MTHFD2L: variants seen among roughly 807,000 people sequenced by gnomAD.
MTHFD2L encodes bifunctional methylenetetrahydrofolate dehydrogenase/cyclohydrolase 2, mitochondrial.
A neutral mutation model predicts 34.9 loss-of-function variants in MTHFD2L; 29 were observed. The ratio of observed to expected loss-of-function variants is 0.83; its 90% CI spans 0.62 to 1.13. The LOEUF is 1.13. Ranked by LOEUF, MTHFD2L falls within the 50% of genes most tolerant of loss-of-function variation. MTHFD2L has a pLI of 0.00. For missense variants in MTHFD2L, 481 were observed against 446.5 expected (o/e 1.08, Z -0.70); for synonymous variants, 167 against 155.7 (o/e 1.07, Z -0.54).
chr4:74,260,972 TA>T (rs1443249358), intron 6 of MTHFD2L, among the ~76,000 whole-genome samples: 1 of 150,718 alleles, frequency 6.6e-6, no homozygotes, highest in Admixed American at 6.6e-5. Flanking sequence ...TTTGGTGCTT[TA>T]AAAAAATCTA....
At chr4:74,248,691 C>T (rs1305690816) in intron 6 of MTHFD2L, among the ~76,000 whole-genome samples, 4 of 149,252 alleles carry the variant, frequency 2.7e-5, no homozygotes, top group East Asian at 3.9e-4. Flanking sequence ...TCTTTGTTCT[C>T]ATTGGTTTCA....
At chr4:74,171,937 TAAAC>T (rs10539332) in intron 1 of MTHFD2L, among the ~76,000 whole-genome samples, 119,459 of 151,952 alleles carry the variant, frequency 0.79, 51,902 homozygotes, top group Non-Finnish European at 0.96. Flanking sequence ...ATCGAATGGA[TAAAC>T]AAATATTGGT....
At chr4:74,143,288 C>A in intron 1 of MTHFD2L, 2 of 400,806 alleles carry the variant, frequency 5.0e-6, no homozygotes, top group Non-Finnish European at 6.8e-6. Flanking sequence ...AACGATCTGG[C>A]TAGAATTTGA....
chr4:74,180,821 C>A, intron 3 of MTHFD2L: 1 of 314,016 alleles, frequency 3.2e-6, no homozygotes, highest in Admixed American at 2.8e-5. Flanking sequence ...CTACTCCTGT[C>A]CTGACCGTGC....
chr4:74,218,289 T>TC (rs1737543912), intron 5 of MTHFD2L, among the ~76,000 whole-genome samples: 1 of 152,104 alleles, frequency 6.6e-6, no homozygotes, highest in African/African-American at 2.4e-5. Flanking sequence ...TAGGAAAACA[T>TC]CTTACTATAG....
chr4:74,249,495 T>C (rs1242307321), intron 6 of MTHFD2L, among the ~76,000 whole-genome samples: 2 of 152,176 alleles, frequency 1.3e-5, no homozygotes, highest in Non-Finnish European at 2.9e-5. Context: ...AAAGTTAATA[T>C]TGTTATGTGT....
At chr4:74,294,796 T>A (rs1749428349) in intron 7 of MTHFD2L, among the ~76,000 whole-genome samples, 2 of 152,138 alleles carry the variant, frequency 1.3e-5, no homozygotes, top group South Asian at 4.2e-4. Context: ...CCAAGCCAAG[T>A]TTTAGTTCTT....
chr4:74,260,014 A>G (rs1439639338), intron 6 of MTHFD2L, among the ~76,000 whole-genome samples: 1 of 152,144 alleles, frequency 6.6e-6, no homozygotes, highest in Admixed American at 6.6e-5. Context: ...GGGAATGGGC[A>G]CTTATGATCA....
chr4:74,245,194 C>CAAAAAAAAAA (rs57639523), intron 6 of MTHFD2L, among the ~76,000 whole-genome samples: 1 of 66,362 alleles, frequency 1.5e-5, no homozygotes, highest in Non-Finnish European at 2.6e-5. Context: ...GACTCAGTCT[C>CAAAAAAAAAA]AAAAAAAAAA....
intron 1 of MTHFD2L, among the ~76,000 whole-genome samples, chr4:74,141,585 C>T (rs576070839): frequency 3.6e-4 from 55 of 152,348 alleles, no homozygotes; most frequent in African/African-American, 9.9e-4. Context: ...TTTACTCATT[C>T]ATTCATTGAG....
At chr4:74,159,662 T>TAC (rs1424144303) in intron 1 of MTHFD2L, among the ~76,000 whole-genome samples, 1 of 152,158 alleles carries the variant, frequency 6.6e-6, no homozygotes, top group African/African-American at 2.4e-5. Context: ...CCTTGCTTTG[T>TAC]ACACACACAC....
chr4:74,284,258 C>G (rs1309581111), intron 7 of MTHFD2L, among the ~76,000 whole-genome samples: 1 of 152,128 alleles, frequency 6.6e-6, no homozygotes, highest in East Asian at 1.9e-4. Context: ...TTAAAGGAAT[C>G]TGCAGTGATA....
chr4:74,146,644 G>A lies in MTHFD2L; in HGVS notation c.-296-13411G>A, dbSNP rs758431128. 2.7e-4 allele frequency among the ~76,000 whole-genome samples: 41 copies of A among 152,104 alleles called. 1 individual carries two copies. The highest frequency in any genetic ancestry group is 6.2e-4 in the South Asian group (3 of 4,822). Reference sequence around the variant, plus strand: ...GGGTAGTCTTATTTTGGTCAAATTCGTTTGGTGTTCTCTGATATTCCTATA... The same window carrying A: ...GGGTAGTCTTATTTTGGTCAAATTCATTTGGTGTTCTCTGATATTCCTATA... On this transcript the variant is annotated intron_variant, in intron 1 of 7. Transcript: ENST00000433372.
At chr4:74,126,722 C>T (rs1306831010) in intron 1 of MTHFD2L, among the ~76,000 whole-genome samples, 9 of 151,918 alleles carry the variant, frequency 5.9e-5, no homozygotes, top group African/African-American at 1.2e-4. Context: ...TGAGCTCATA[C>T]GATATCTTTT....
Position 74,199,645 on chromosome 4 carries a change from G to A in MTHFD2L, c.452-149G>A, listed in dbSNP as rs181004654. 3.2e-3 allele frequency: 2,151 copies of A among 664,558 alleles called. 12 individuals carry two copies. The highest frequency in any genetic ancestry group is 5.7e-3 in the Middle Eastern group (13 of 2,284). The allele number at this position is 664,558 out of a possible 1,614,324, so 41.2% of individuals were successfully genotyped here. ...AGCACTTTGGCTTACTATTTTGGTG[G>A]CAAATAATAATAATAATAATAATAA... On this transcript the variant is annotated intron_variant, in intron 3 of 7. Coordinates refer to ENST00000325278, the MANE Select transcript of MTHFD2L (RefSeq NM_001144978.3).
intron 6 of MTHFD2L, among the ~76,000 whole-genome samples, chr4:74,244,494 T>C (rs1052756954): frequency 5.8e-5 from 8 of 138,424 alleles, no homozygotes; most frequent in African/African-American, 2.0e-4. Flanking sequence ...CACTGTGAGC[T>C]TGACAGCTTT....
chr4:74,139,843 T>C (rs1177484861), intron 1 of MTHFD2L, among the ~76,000 whole-genome samples: 1 of 152,238 alleles, frequency 6.6e-6, no homozygotes, highest in Non-Finnish European at 1.5e-5. Flanking sequence ...TTTCCTAGAT[T>C]AGTAAATGTT....
intron 5 of MTHFD2L, among the ~76,000 whole-genome samples, chr4:74,203,896 AG>A (rs1375606431): frequency 6.8e-5 from 1 of 14,644 alleles, no homozygotes. Context: ...GCCAATTTGC[AG>A]TTTTTTTTTT....
chr4:74,298,033 C>T (rs952612432), intron 7 of MTHFD2L, among the ~76,000 whole-genome samples: 2 of 152,012 alleles, frequency 1.3e-5, no homozygotes, highest in Admixed American at 1.3e-4. Flanking sequence ...ATTTCCTTCT[C>T]AGACACAGAT....
Sources: gnomAD v4.1 joint callset for allele counts (sites outside exome capture counted in the v4.1 genomes callset) on GRCh38, gnomAD v4.1.1 for gene constraint, MANE v1.5 for transcripts, NCBI Gene and HGNC (gene_info 2026-07-23, HGNC 2026-07-21) for gene names.